SRA1: variants seen among roughly 807,000 people sequenced by gnomAD.
SRA1 encodes the protein lncRNA SRA.
Under a neutral mutation model 24.3 loss-of-function variants are expected in SRA1, and 25 were observed. That is an observed-to-expected ratio of 1.03 (90% CI 0.75 to 1.43). The LOEUF is 1.43. Among genes scored for constraint, SRA1 ranks in the 40% most tolerant of loss-of-function variants. SRA1 has a pLI of 0.00. For missense variants in SRA1, 303 were observed against 286.6 expected (o/e 1.06, Z -0.41); for synonymous variants, 104 against 109.5 (o/e 0.95, Z 0.31).
intron 2 of SRA1, 112 bp downstream of exon 2, chr5:140,557,035 T>C (rs570754157): frequency 9.8e-7 from 1 of 1,017,786 alleles, no homozygotes; most frequent in Non-Finnish European, 1.4e-6. Flanking sequence ...CCCCAAAACT[T>C]CTCTCCTTAA....
Position 140,550,918 on chromosome 5 carries a change from A to T in SRA1, c.464-7T>A. On this transcript the variant is annotated splice_polypyrimidine_tract_variant and splice_region_variant and intron_variant, in intron 4 of 4. Coordinates refer to ENST00000336283, the MANE Select transcript of SRA1 (RefSeq NM_001035235.4). ...CACCGGTGGCTTGAAAGCTCTGAAG[A>T]GAGACGGGGGTTGAGCAAGCAGCCT... The T allele has an allele frequency of 6.2e-7, 1 of 1,613,790 alleles. No individual in the cohort carries two copies. Among genetic ancestry groups the T allele is most frequent in the Admixed American group, 1.7e-5 (1 of 60,022 alleles).
intron 3 of SRA1, 178 bp downstream of exon 3, chr5:140,551,804 T>C (rs1323132783): frequency 3.6e-6 from 2 of 559,354 alleles, no homozygotes; most frequent in Non-Finnish European, 6.3e-6. Flanking sequence ...GTCTTATTAA[T>C]GCTCCTGAAA....
Position 140,550,688 on chromosome 5 carries a change from G to A in SRA1, c.*12C>T, listed in dbSNP as rs1754526060. On this transcript the variant is annotated 3_prime_UTR_variant, in exon 5 of 5. Coordinates refer to ENST00000336283, the MANE Select transcript of SRA1 (RefSeq NM_001035235.4). Reference sequence around the variant, plus strand: ...TAGGAGATGGTGTCCGGTGAGTCTGGGGAACCGAGGATTATGAAGCCTGCT... The same window carrying A: ...TAGGAGATGGTGTCCGGTGAGTCTGAGGAACCGAGGATTATGAAGCCTGCT... The A allele has an allele frequency of 3.1e-6, 5 of 1,613,522 alleles. No individual in the cohort carries two copies. Among genetic ancestry groups the A allele is most frequent in the Non-Finnish European group, 4.2e-6 (5 of 1,179,664 alleles).
At chr5:140,551,691 C>T (rs748998739) in intron 3 of SRA1, 37 of 305,820 alleles carry the variant, frequency 1.2e-4, no homozygotes, top group Non-Finnish European at 1.7e-4. Flanking sequence ...TCAGCAGCTT[C>T]TGCTCTGAAT....
Position 140,550,503 on chromosome 5 carries a change from G to A in SRA1, c.*197C>T, listed in dbSNP as rs1287350770. 1 of 613,110 alleles carries A rather than the reference G, an allele frequency of 1.6e-6. No individual in the cohort carries two copies. Among genetic ancestry groups the A allele is most frequent in the African/African-American group, 1.9e-5 (1 of 53,994 alleles). 38.0% of individuals were successfully genotyped at this position (613,110 alleles called of 1,614,324 possible). A position where few individuals can be genotyped will look rare whatever the true frequency, so the allele number is the denominator to read the frequency against. ...GAAGGGTTCATCTCTCCTACCCAAG[G>A]CCCACCGCAGAGATGTTTTTATTGA... On this transcript the variant is annotated 3_prime_UTR_variant, in exon 5 of 5. Coordinates refer to ENST00000336283, the MANE Select transcript of SRA1 (RefSeq NM_001035235.4).
chr5:140,556,800 G>A (rs1380839226), intron 2 of SRA1, among the ~76,000 whole-genome samples: 1 of 151,970 alleles, frequency 6.6e-6, no homozygotes, highest in Admixed American at 6.6e-5. Context: ...ATATACCTAA[G>A]TGAAGACAGA....
Position 140,550,677 on chromosome 5 carries a change from C to G in SRA1, c.*23G>C. The G allele has an allele frequency of 6.2e-7, 1 of 1,610,790 alleles. No homozygotes were observed. The highest frequency in any genetic ancestry group is 8.5e-7 in the Non-Finnish European group (1 of 1,177,138). On this transcript the variant is annotated 3_prime_UTR_variant, in exon 5 of 5. Coordinates refer to ENST00000336283, the MANE Select transcript of SRA1 (RefSeq NM_001035235.4). ...TCTCCAAGGCATAGGAGATGGTGTC[C>G]GGTGAGTCTGGGGAACCGAGGATTA...
chr5:140,557,133 G>A lies in SRA1; in HGVS notation c.151+14C>T, dbSNP rs562281578. The A allele has an allele frequency of 1.7e-5, 26 of 1,569,430 alleles. No homozygotes were observed. The African/African-American group carries it at 3.1e-4, about 19-fold the overall frequency. ...CATTCTCCGTCTGTCTCCGAGCACA[G>A]GGGCCCCACGCACCTCTGGGGGATC... On this transcript the variant is annotated intron_variant, in intron 2 of 4. Transcript: ENST00000336283.
intron 2 of SRA1, 53 bp downstream of exon 2, chr5:140,557,094 C>A: frequency 1.0e-6 from 1 of 983,868 alleles, no homozygotes; most frequent in South Asian, 1.5e-5. Context: ...TTATGCCTTA[C>A]ACCCCCCCCC....
intron 2 of SRA1, among the ~76,000 whole-genome samples, chr5:140,555,375 T>G (rs1234781429): frequency 6.6e-6 from 1 of 152,052 alleles, no homozygotes; most frequent in Non-Finnish European, 1.5e-5. Flanking sequence ...CCCTCCCAAG[T>G]AGCTGGTATT....
intron 2 of SRA1, among the ~76,000 whole-genome samples, chr5:140,556,587 C>T (rs769400060): frequency 3.9e-5 from 6 of 152,126 alleles, no homozygotes; most frequent in Non-Finnish European, 5.9e-5. Flanking sequence ...TACATCACCG[C>T]TTATTTTCTG....
intron 2 of SRA1, among the ~76,000 whole-genome samples, chr5:140,552,490 T>A (rs1754593288): frequency 6.6e-6 from 1 of 151,500 alleles, no homozygotes; most frequent in Admixed American, 6.6e-5. Flanking sequence ...CTGTCTCTAC[T>A]AAAAATACAA....
In SRA1 at chr5:140,552,181, G is replaced by C. The variant is rs777006810; in HGVS notation, c.155C>G (p.Pro52Arg). The change falls in exon 3 of 5, where the codon CCC becomes CGC. Residue 52 changes from proline (P) to arginine (R), a missense_variant. Transcript: ENST00000336283. ...AAPQDGSPRV[P>R]ASETSPGPPP... ...AGGCCCAGGAGAAGTCTCTGATGCG[G>C]GGACTGAAAAGGTACAGCAGGATCA... 5 of 1,562,000 alleles carry C rather than the reference G, an allele frequency of 3.2e-6. No homozygotes were observed. Among genetic ancestry groups the C allele is most frequent in the Admixed American group, 3.9e-5 (2 of 51,706 alleles).
At chr5:140,556,923 C>A (rs1460173930) in intron 2 of SRA1, among the ~76,000 whole-genome samples, 1 of 152,074 alleles carries the variant, frequency 6.6e-6, no homozygotes, top group Non-Finnish European at 1.5e-5. Context: ...ATAAGATCAT[C>A]TAGGATGAAA....
intron 2 of SRA1, 52 bp downstream of exon 2, chr5:140,557,095 A>G: frequency 1.2e-6 from 1 of 836,690 alleles, no homozygotes; most frequent in Non-Finnish European, 1.8e-6. Context: ...TATGCCTTAC[A>G]CCCCCCCCCC....
At chr5:140,551,659 T>C in intron 3 of SRA1, 1 of 251,294 alleles carries the variant, frequency 4.0e-6, no homozygotes, top group Admixed American at 5.1e-5. Context: ...CTGGGCACAA[T>C]ATAAATTTCC....
At chr5:140,557,110 T>G (rs375245152) in intron 2 of SRA1, 37 bp downstream of exon 2, 1,416 of 1,015,046 alleles carry the variant, frequency 1.4e-3, no homozygotes, top group East Asian at 1.8e-3. Context: ...CCCCCCCCCA[T>G]TCTCCGTCTG....
chr5:140,557,276 C>A lies in SRA1; in HGVS notation c.26-4G>T. On this transcript the variant is annotated splice_polypyrimidine_tract_variant and splice_region_variant and intron_variant, in intron 1 of 4. Coordinates refer to ENST00000336283, the MANE Select transcript of SRA1 (RefSeq NM_001035235.4). The stretch of plus-strand genomic sequence containing the variant: ...TTCCAGCCGCGTTCCTTGTTGCCTG[C>A]GGAGGCGAGGGATGTGTGAAGCGAG... 6.2e-7 allele frequency: 1 copy of A among 1,610,620 alleles called. No individual in the cohort carries two copies. Among genetic ancestry groups the A allele is most frequent in the Non-Finnish European group, 8.5e-7 (1 of 1,179,910 alleles).
At position 140,557,217 on chromosome 5, in the gene SRA1, G is replaced by A. The variant is rs1581400665; in HGVS notation, c.81C>T (p.Thr27=). 4 of 1,613,476 alleles carry A rather than the reference G, an allele frequency of 2.5e-6. No homozygotes were observed. Among genetic ancestry groups the A allele is most frequent in the Admixed American group, 1.7e-5 (1 of 60,006 alleles). ...GCGAGCGCCTGGGTCCGCCGGCCTG[G>A]GTCTGCAGCCCGTATGAGAACTGCG... The part of the protein sequence containing the change: ...DPPQFSYGLQ[T]QAGGPRRSLL... Residue 27 remains threonine (T), a synonymous_variant, in exon 2 of 5, where the codon ACC becomes ACT. Transcript: ENST00000336283.
Sources: allele counts gnomAD v4.1 joint callset (sites outside exome capture counted in the v4.1 genomes callset), GRCh38; gene constraint gnomAD v4.1.1; transcripts MANE v1.5; gene names NCBI Gene and HGNC (gene_info 2026-07-23, HGNC 2026-07-21).